The following SPATA16 variants were observed in gnomAD, a reference collection of about 807,000 sequenced individuals.
SPATA16 encodes spermatogenesis associated 16.
In SPATA16, 36 loss-of-function variants were observed where a neutral mutation model predicts 63.3. That is an observed-to-expected ratio of 0.57 (90% confidence interval 0.44 to 0.75). SPATA16 has a LOEUF of 0.75. Among genes scored for constraint, SPATA16 ranks in the 30% least tolerant of loss-of-function variants. The probability of loss-of-function intolerance (pLI) is 0.00; values close to 1 mark genes in which losing one functional copy is unlikely to be tolerated. For synonymous variants in SPATA16, 203 were observed against 216.7 expected (o/e 0.94, Z 0.56); for missense variants, 646 against 679.3 (o/e 0.95, Z 0.54).
At chr3:172,976,900 C>A (rs770373628) in intron 5 of SPATA16, 68 bp downstream of exon 5, 14 of 1,289,130 alleles carry the variant, frequency 1.1e-5, no homozygotes, top group Non-Finnish European at 1.6e-5. Context: ...CTTTTAAGCA[C>A]CAATCTTTCA....
At chr3:173,115,986 G>A (rs939500604) in intron 2 of SPATA16, among the ~76,000 whole-genome samples, 13 of 150,746 alleles carry the variant, frequency 8.6e-5, no homozygotes, top group Non-Finnish European at 1.3e-4. Context: ...TCGACCTCTT[G>A]GGCTCAAGAG....
intron 10 of SPATA16, among the ~76,000 whole-genome samples, chr3:172,899,475 A>T (rs950844016): frequency 6.6e-6 from 1 of 151,990 alleles, no homozygotes; most frequent in Non-Finnish European, 1.5e-5. Context: ...GTTAATGTTT[A>T]CATGATATTT....
chr3:173,118,540 T>C (rs1737970588), intron 1 of SPATA16, among the ~76,000 whole-genome samples: 1 of 152,208 alleles, frequency 6.6e-6, no homozygotes, highest in African/African-American at 2.4e-5. Flanking sequence ...AAATATCAAG[T>C]GTTCTAAGAT....
chr3:173,113,339 A>T (rs1053396887), intron 2 of SPATA16, among the ~76,000 whole-genome samples: 4 of 152,234 alleles, frequency 2.6e-5, no homozygotes, highest in African/African-American at 9.6e-5. Context: ...GAATACAAAC[A>T]TAAGAGCATA....
intron 4 of SPATA16, among the ~76,000 whole-genome samples, chr3:172,983,856 T>C (rs978090132): frequency 1.3e-5 from 2 of 152,058 alleles, no homozygotes; most frequent in Non-Finnish European, 2.9e-5. Context: ...AGGAAAATTA[T>C]CTCAAAACCC....
At chr3:172,896,208 T>C (rs897009496) in intron 10 of SPATA16, among the ~76,000 whole-genome samples, 17 of 152,124 alleles carry the variant, frequency 1.1e-4, no homozygotes, top group African/African-American at 3.9e-4. Context: ...CCAGGTTATA[T>C]TTAGTTTTAT....
chr3:172,973,295 AGGTGGAT>A (rs1360148640), intron 5 of SPATA16, among the ~76,000 whole-genome samples: 3 of 152,170 alleles, frequency 2.0e-5, no homozygotes, highest in Non-Finnish European at 2.9e-5. Flanking sequence ...CTATTGTTCT[AGGTGGAT>A]GCTTGTAAAT....
chr3:172,946,451 G>A lies in SPATA16; in HGVS notation c.1081+10226C>T, dbSNP rs553519631. On this transcript the variant is annotated intron_variant, in intron 6 of 10. Transcript: ENST00000351008. ...TTTCTGGATCCGCCCTGGGCCAAAGGGAAGCCTCCTGCCCTGAAAGGAGAG... is the reference window on the plus strand; with the variant it reads ...TTTCTGGATCCGCCCTGGGCCAAAGAGAAGCCTCCTGCCCTGAAAGGAGAG... Among the ~76,000 whole-genome samples the A allele has an allele frequency of 7.6e-3, 528 of 69,282 alleles. 3 individuals carry two copies. Among genetic ancestry groups the A allele is most frequent in the African/African-American group, 0.028 (495 of 17,886 alleles). The allele number at this position is 69,282 out of a possible 152,430, so 45.5% of individuals were successfully genotyped here. A position where few individuals can be genotyped will look rare whatever the true frequency, so the allele number is the denominator to read the frequency against.
At chr3:172,908,701 G>C (rs1732295962) in intron 10 of SPATA16, among the ~76,000 whole-genome samples, 1 of 152,106 alleles carries the variant, frequency 6.6e-6, no homozygotes, top group African/African-American at 2.4e-5. Flanking sequence ...CTATAATTCT[G>C]CTGCTTCAGA....
chr3:172,912,732 G>A (rs1732396365), intron 10 of SPATA16, among the ~76,000 whole-genome samples: 1 of 152,100 alleles, frequency 6.6e-6, no homozygotes, highest in African/African-American at 2.4e-5. Context: ...TACAATACGT[G>A]TGAATCAACG....
chr3:172,924,877 G>C (rs1366089643), intron 7 of SPATA16, among the ~76,000 whole-genome samples: 1 of 152,048 alleles, frequency 6.6e-6, no homozygotes, highest in African/African-American at 2.4e-5. Flanking sequence ...GTTTCGACTC[G>C]GATTACTGAA....
At chr3:173,101,432 T>C (rs1398927116) in intron 2 of SPATA16, among the ~76,000 whole-genome samples, 2 of 152,146 alleles carry the variant, frequency 1.3e-5, no homozygotes, top group Non-Finnish European at 2.9e-5. Context: ...GGAGCCCACA[T>C]CCCCTACAGT....
At chr3:173,004,628 T>A (rs1734899290) in intron 4 of SPATA16, among the ~76,000 whole-genome samples, 1 of 152,174 alleles carries the variant, frequency 6.6e-6, no homozygotes, top group South Asian at 2.1e-4. Context: ...CTCAACTCAT[T>A]TGGGTTTCAA....
intron 8 of SPATA16, among the ~76,000 whole-genome samples, chr3:172,916,693 A>C (rs1164993283): frequency 6.6e-6 from 1 of 152,164 alleles, no homozygotes; most frequent in Non-Finnish European, 1.5e-5. Context: ...CCTTTGGAGA[A>C]CTGTTGAGAC....
intron 2 of SPATA16, among the ~76,000 whole-genome samples, chr3:173,064,318 A>T: frequency 7.2e-6 from 1 of 137,940 alleles, no homozygotes; most frequent in African/African-American, 2.7e-5. Flanking sequence ...ACACACGCAC[A>T]CCAAAAAAAA....
rs192773506 is a variant in SPATA16, at chr3:172,992,324, G to T, written c.849-15272C>A. Among the ~76,000 whole-genome samples, 459 of 152,188 alleles carry T rather than the reference G, an allele frequency of 3.0e-3. 3 individuals are homozygous for T. The highest frequency in any genetic ancestry group is 0.011 in the African/African-American group (445 of 41,532). Reference sequence around the variant, plus strand: ...TAAGTAATTTTGGAAAGCAATAACAGCTGGGAAGTATTTTTTCATGTGAGT... The same window carrying T: ...TAAGTAATTTTGGAAAGCAATAACATCTGGGAAGTATTTTTTCATGTGAGT... On this transcript the variant is annotated intron_variant, in intron 4 of 10. Coordinates refer to ENST00000351008, the MANE Select transcript of SPATA16 (RefSeq NM_031955.6).
intron 1 of SPATA16, among the ~76,000 whole-genome samples, chr3:173,124,662 A>G (rs1577187800): frequency 6.6e-6 from 1 of 152,126 alleles, no homozygotes; most frequent in Admixed American, 6.5e-5. Flanking sequence ...TTCGGTGGTC[A>G]CCCCAGGCTC....
At chr3:172,910,890 G>A (rs1486107368) in intron 10 of SPATA16, among the ~76,000 whole-genome samples, 4 of 152,192 alleles carry the variant, frequency 2.6e-5, no homozygotes, top group Non-Finnish European at 5.9e-5. Context: ...CCTGTTGGAT[G>A]TCTTGCCAGC....
At chr3:172,940,043 T>A (rs777354899) in intron 6 of SPATA16, among the ~76,000 whole-genome samples, 6 of 152,110 alleles carry the variant, frequency 3.9e-5, no homozygotes, top group Non-Finnish European at 8.8e-5. Context: ...GGTGAACACA[T>A]CATGGTGCAG....
Sources: allele counts gnomAD v4.1 joint callset (sites outside exome capture counted in the v4.1 genomes callset), GRCh38; gene constraint gnomAD v4.1.1; transcripts MANE v1.5; gene names NCBI Gene and HGNC (gene_info 2026-07-23, HGNC 2026-07-21).